PHKG2: variants seen among roughly 807,000 people sequenced by gnomAD.
The protein encoded by PHKG2 is phosphorylase kinase catalytic subunit gamma 2.
In PHKG2, 28 loss-of-function variants were observed where a neutral mutation model predicts 44.5. The ratio of observed to expected loss-of-function variants is 0.63; its 90% CI spans 0.47 to 0.86. The LOEUF (loss-of-function observed/expected upper bound fraction) is 0.86, where lower values mean the gene tolerates loss of function less well. Among genes scored for constraint, PHKG2 ranks in the 40% least tolerant of loss-of-function variants. PHKG2 has a pLI of 0.00. For missense variants in PHKG2, 498 were observed against 547.5 expected (o/e 0.91, Z 0.90); for synonymous variants, 220 against 211.2 (o/e 1.04, Z -0.36).
Position 30,760,120 on chromosome 16 carries a change from TAAGG to T in PHKG2, c.*3027_*3030del. On this transcript the variant is annotated 3_prime_UTR_variant, in exon 10 of 10. Transcript: ENST00000563588. ...GTGTGCTGTATCCTTAATTTCTAGA[TAAGG>T]AAGCAGTGGATTGGAAAGCTGATGG... 6.5e-7 allele frequency: 1 copy of T among 1,547,656 alleles called. No homozygotes were observed. Among genetic ancestry groups the T allele is most frequent in the Non-Finnish European group, 8.7e-7 (1 of 1,152,418 alleles).
Position 30,757,634 on chromosome 16 carries a change from C to T in PHKG2, c.*537C>T, listed in dbSNP as rs757370237. 6.2e-7 allele frequency: 1 copy of T among 1,613,386 alleles called. No individual in the cohort carries two copies. Among genetic ancestry groups the T allele is most frequent in the Admixed American group, 1.7e-5 (1 of 59,972 alleles). Reference sequence around the variant, plus strand: ...TTGTTCACTTGGGTCTTGATGTAGGCTCGGAGGACGTGGATGTGGCCTGCA... The same window carrying T: ...TTGTTCACTTGGGTCTTGATGTAGGTTCGGAGGACGTGGATGTGGCCTGCA... On this transcript the variant is annotated 3_prime_UTR_variant, in exon 10 of 10. Transcript: ENST00000563588.
chr16:30,752,968 C>T (rs1235572822), intron 4 of PHKG2: 2 of 536,528 alleles, frequency 3.7e-6, no homozygotes, highest in East Asian at 6.6e-5. Context: ...TTACTCTCAA[C>T]AAGAACCTCC....
Position 30,753,265 on chromosome 16 carries a change from A to G in PHKG2, c.360A>G (p.Thr120=), listed in dbSNP as rs149163610. ...AGGGAGAGCTGTTTGACTATCTCACAGAGAAGGTGGCCCTCTCTGAAAAGG... is the reference window on the plus strand; with the variant it reads ...AGGGAGAGCTGTTTGACTATCTCACGGAGAAGGTGGCCCTCTCTGAAAAGG... ...MRKGELFDYL[T]EKVALSEKET... The change falls in exon 5 of 10, where the codon ACA becomes ACG. Residue 120 remains threonine, a synonymous_variant. Coordinates refer to ENST00000563588, the MANE Select transcript of PHKG2 (RefSeq NM_000294.3). 632 of 1,614,152 alleles carry G rather than the reference A, an allele frequency of 3.9e-4. No homozygotes were observed. The highest frequency in any genetic ancestry group is 4.9e-4 in the Non-Finnish European group (580 of 1,180,004).
rs189336168 is a variant in PHKG2 at position 30,757,424 on chromosome 16, G to A, written c.*327G>A. 4.4e-6 allele frequency: 7 copies of A among 1,584,862 alleles called. No homozygotes were observed. The highest frequency in any genetic ancestry group is 3.4e-5 in the Admixed American group (2 of 58,432). On this transcript the variant is annotated 3_prime_UTR_variant, in exon 10 of 10. Coordinates refer to ENST00000563588, the MANE Select transcript of PHKG2 (RefSeq NM_000294.3). ...AAGCCCAGAAGGTGCTCAGCAGGGT[G>A]CAGGGATGGTGCCATTCTGGCCCAG...
Position 30,748,788 on chromosome 16 carries a change from T to A in PHKG2, c.-18-15T>A, listed in dbSNP as rs1301957144. 4.1e-5 allele frequency: 61 copies of A among 1,478,922 alleles called. No individual in the cohort carries two copies. The highest frequency in any genetic ancestry group is 5.3e-5 in the Non-Finnish European group (58 of 1,091,984). The allele number at this position is 1,478,922 out of a possible 1,614,324, so 91.6% of individuals were successfully genotyped here. ...GTGGGCCTCCCTGCCCTCACTGCCC[T>A]CCTCCTCCGCGCAGGCCCCCGCCTC... On this transcript the variant is annotated splice_polypyrimidine_tract_variant and intron_variant, in intron 1 of 9. Transcript: ENST00000563588.
chr16:30,748,511 C>T, intron 1 of PHKG2, 21 bp downstream of exon 1: 2 of 481,020 alleles, frequency 4.2e-6, no homozygotes, highest in Non-Finnish European at 7.5e-6. Context: ...GCTAGACCCC[C>T]GTCCCCTTCC....
Position 30,756,179 on chromosome 16 carries a change from C to T in PHKG2, c.557-3C>T, listed in dbSNP as rs554833771. ...CCCCTCAATCTTGGTCCTCTCTCCC[C>T]AGAGTTGTGTGGGACCCCAGGGTAT... On this transcript the variant is annotated splice_polypyrimidine_tract_variant and splice_region_variant and intron_variant, in intron 6 of 9. Transcript: ENST00000563588. 1 of 1,612,820 alleles carries T rather than the reference C, an allele frequency of 6.2e-7. No individual in the cohort carries two copies. The highest frequency in any genetic ancestry group is 1.1e-5 in the South Asian group (1 of 91,048).
Position 30,748,841 on chromosome 16 carries a change from G to A in PHKG2, c.21G>A (p.Pro7=), listed in dbSNP as rs200427925. MTLDVG[P]EDELPDWAAA... ...TCAGGATGACGCTGGACGTGGGGCC[G>A]GAGGATGAGCTGCCCGACTGGGCCG... Residue 7 remains proline (P), a synonymous_variant, in exon 2 of 10, where the codon CCG becomes CCA. Coordinates refer to ENST00000563588, the MANE Select transcript of PHKG2 (RefSeq NM_000294.3). 2.0e-4 allele frequency: 304 copies of A among 1,552,750 alleles called. 3 individuals are homozygous for A. In the East Asian group the frequency reaches 7.1e-3, roughly 36 times the overall value.
intron 3 of PHKG2, 82 bp from the exon 4 acceptor site, chr16:30,751,466 CT>C (rs1218047223): frequency 7.3e-7 from 1 of 1,363,146 alleles, no homozygotes; most frequent in East Asian, 2.3e-5. Flanking sequence ...CAGCCCGCTG[CT>C]GTCCCAGGGT....
At position 30,760,895 on chromosome 16, in the gene PHKG2, C is replaced by T; in HGVS notation, c.*3798C>T. ...GGAATCTTGAATTCTTTTTTCTGCTCTGCCACTACCTTGTATGACCTTGGT... is the reference window on the plus strand; with the variant it reads ...GGAATCTTGAATTCTTTTTTCTGCTTTGCCACTACCTTGTATGACCTTGGT... On this transcript the variant is annotated 3_prime_UTR_variant, in exon 10 of 10. Transcript: ENST00000563588. 1 of 618,480 alleles carries T rather than the reference C, an allele frequency of 1.6e-6. No homozygotes were observed. The highest frequency in any genetic ancestry group is 2.7e-5 in the East Asian group (1 of 36,590). 38.3% of individuals were successfully genotyped at this position (618,480 alleles called of 1,614,324 possible).
chr16:30,751,803 G>A, intron 4 of PHKG2, 200 bp downstream of exon 4: 1 of 667,188 alleles, frequency 1.5e-6, no homozygotes, highest in Non-Finnish European at 2.8e-6. Flanking sequence ...TTCTTTAATA[G>A]TGACTAGTGG....
Position 30,760,064 on chromosome 16 carries a change from T to C in PHKG2, c.*2967T>C, listed in dbSNP as rs2053645603. The C allele has an allele frequency of 1.3e-6, 2 of 1,530,918 alleles. No homozygotes were observed. Among genetic ancestry groups the C allele is most frequent in the Non-Finnish European group, 1.7e-6 (2 of 1,144,458 alleles). 94.8% of individuals were successfully genotyped at this position (1,530,918 alleles called of 1,614,324 possible). A position where few individuals can be genotyped will look rare whatever the true frequency, so the allele number is the denominator to read the frequency against. On this transcript the variant is annotated 3_prime_UTR_variant, in exon 10 of 10. Transcript: ENST00000563588. ...ATTGTGCACTATGCATATATTTGCATATATTATTTCTCAGAACAGTCCTGT... is the reference window on the plus strand; with the variant it reads ...ATTGTGCACTATGCATATATTTGCACATATTATTTCTCAGAACAGTCCTGT...
intron 2 of PHKG2, 106 bp downstream of exon 2, chr16:30,749,021 G>C (rs2053294722): frequency 6.0e-5 from 3 of 50,382 alleles, no homozygotes; most frequent in Non-Finnish European, 1.3e-4. Flanking sequence ...TGGTGGTGGT[G>C]GTGGTGGTGG....
chr16:30,749,204 G>GGTGCTGGTGGTGGTGCTGGTGGTGGTGT lies in PHKG2; in HGVS notation c.95+292_95+293insCTGGTGGTGGTGCTGGTGGTGGTGTGTG, dbSNP rs1555466890. ...TGGTGCTGGTGGTGGTGCTGGTGGT[G>GGTGCTGGTGGTGGTGCTGGTGGTGGTGT]GTGTGTGTGTGTGTGTGTGTCTTTC... On this transcript the variant is annotated intron_variant, in intron 2 of 9. Transcript: ENST00000563588. 1.2e-4 allele frequency among the ~76,000 whole-genome samples: 11 copies of GGTGCTGGTGGTGGTGCTGGTGGTGGTGT among 91,946 alleles called. 2 individuals carry two copies. Among genetic ancestry groups the GGTGCTGGTGGTGGTGCTGGTGGTGGTGT allele is most frequent in the Admixed American group, 3.2e-4 (3 of 9,446 alleles). The allele number at this position is 91,946 out of a possible 152,430, so 60.3% of individuals were successfully genotyped here.
At chr16:30,752,256 G>A (rs1229958951) in intron 4 of PHKG2, among the ~76,000 whole-genome samples, 1 of 141,442 alleles carries the variant, frequency 7.1e-6, no homozygotes, top group Non-Finnish European at 1.5e-5. Flanking sequence ...AAATTGGCCA[G>A]GCATGGTGGT....
At position 30,756,429 on chromosome 16, in the gene PHKG2, G is replaced by A. The variant is rs1452675634; in HGVS notation, c.710G>A (p.Arg237Gln). Residue 237 changes from arginine to glutamine, a missense_variant, in exon 8 of 10, where the codon CGG becomes CAG. By Grantham distance (43) the Arg-to-Gln change is conservative (BLOSUM62 1). Coordinates refer to ENST00000563588, the MANE Select transcript of PHKG2 (RefSeq NM_000294.3). Reference sequence around the variant, plus strand: ...GGCTCGCCACCCTTCTGGCACCGGCGGCAGATCCTGATGTTACGCATGATC... The same window carrying A: ...GGCTCGCCACCCTTCTGGCACCGGCAGCAGATCCTGATGTTACGCATGATC... The part of the protein sequence containing the change: ...LAGSPPFWHR[R>Q]QILMLRMIME... 1 of 1,613,796 alleles carries A rather than the reference G, an allele frequency of 6.2e-7. No individual in the cohort carries two copies. Among genetic ancestry groups the A allele is most frequent in the Non-Finnish European group, 8.5e-7 (1 of 1,180,024 alleles).
rs768128006 is a variant in PHKG2, at chr16:30,753,424, G to A, written c.423G>A (p.Val141=). 1 of 1,614,188 alleles carries A rather than the reference G, an allele frequency of 6.2e-7. No individual in the cohort carries two copies. The highest frequency in any genetic ancestry group is 8.5e-7 in the Non-Finnish European group (1 of 1,180,044). ...RSIMRSLLEA[V]SFLHANNIVH... is the part of the protein sequence containing the mutation. Reference sequence around the variant, plus strand: ...TCATGCGGTCTCTGCTGGAAGCAGTGAGCTTTCTCCATGCCAACAACATTG... The same window carrying A: ...TCATGCGGTCTCTGCTGGAAGCAGTAAGCTTTCTCCATGCCAACAACATTG... The change falls in exon 6 of 10, where the codon GTG becomes GTA. Residue 141 remains valine (V), a synonymous_variant. Transcript: ENST00000563588.
Position 30,757,463 on chromosome 16 carries a change from A to G in PHKG2, c.*366A>G. The G allele has an allele frequency of 6.2e-7, 1 of 1,608,884 alleles. No individual in the cohort carries two copies. Among genetic ancestry groups the G allele is most frequent in the Non-Finnish European group, 8.5e-7 (1 of 1,176,584 alleles). ...ATTCTGGCCCAGACCTTTATTGGGG[A>G]AAATGTTGGGGGTCACTTGGTCTTG... On this transcript the variant is annotated 3_prime_UTR_variant, in exon 10 of 10. Transcript: ENST00000563588.
chr16:30,759,970 A>C lies in PHKG2; in HGVS notation c.*2873A>C, dbSNP rs1334125956. 1.4e-6 allele frequency: 2 copies of C among 1,452,270 alleles called. No homozygotes were observed. The highest frequency in any genetic ancestry group is 2.8e-5 in the African/African-American group (2 of 70,190). 90.0% of individuals were successfully genotyped at this position (1,452,270 alleles called of 1,614,324 possible). On this transcript the variant is annotated 3_prime_UTR_variant, in exon 10 of 10. Transcript: ENST00000563588. ...AGCTTATATTCTAGGGGAATAAACC[A>C]AGAAATAGATCATTTCAGCTATTAA...
Sources: allele counts gnomAD v4.1 joint callset (sites outside exome capture counted in the v4.1 genomes callset), GRCh38; gene constraint gnomAD v4.1.1; transcripts MANE v1.5; gene names NCBI Gene and HGNC (gene_info 2026-07-23, HGNC 2026-07-21).